Variants in ZNF385D observed in about 807,000 individuals in gnomAD.
ZNF385D encodes the protein zinc finger protein 659.
A neutral mutation model predicts 35.8 loss-of-function variants in ZNF385D; 15 were observed. The observed-to-expected ratio is 0.42, with a 90% CI of 0.28 to 0.64. The LOEUF is 0.64. ZNF385D is among the 30% of genes least tolerant of loss of function. ZNF385D has a pLI of 0.23. For synonymous variants in ZNF385D, 212 were observed against 186.8 expected, an observed-to-expected ratio of 1.13 and a Z score of -1.10; for missense variants, 474 against 494.6, an observed-to-expected ratio of 0.96 and a Z score of 0.39.
intron 2 of ZNF385D, among the ~76,000 whole-genome samples, chr3:22,226,194 T>C (rs1698547781): frequency 6.7e-6 from 1 of 149,008 alleles, no homozygotes; most frequent in Non-Finnish European, 1.5e-5. Flanking sequence ...TTTGATCCTA[T>C]ATAAAAAATA....
chr3:21,811,058 T>C (rs2072900962), intron 3 of ZNF385D, among the ~76,000 whole-genome samples: 1 of 151,178 alleles, frequency 6.6e-6, no homozygotes, highest in African/African-American at 2.4e-5. Flanking sequence ...GCAACCAGGA[T>C]TTCCACATAG....
intron 2 of ZNF385D, among the ~76,000 whole-genome samples, chr3:21,607,502 C>T (rs1328679409): frequency 6.6e-6 from 1 of 152,120 alleles, no homozygotes; most frequent in East Asian, 1.9e-4. Flanking sequence ...TCAAGTTTAT[C>T]CACAGAGAAT....
chr3:21,702,242 A>G (rs2067716371), intron 1 of ZNF385D, among the ~76,000 whole-genome samples: 1 of 152,124 alleles, frequency 6.6e-6, no homozygotes, highest in African/African-American at 2.4e-5. Context: ...TCAATTCTGG[A>G]CTTCTTTACA....
chr3:22,202,304 G>C (rs944138094), intron 2 of ZNF385D, among the ~76,000 whole-genome samples: 1 of 152,040 alleles, frequency 6.6e-6, no homozygotes. Context: ...AGAAGTGAGA[G>C]CATTTTCTAG....
chr3:21,772,413 G>C (rs1477316963), intron 3 of ZNF385D, among the ~76,000 whole-genome samples: 3 of 151,684 alleles, frequency 2.0e-5, no homozygotes, highest in African/African-American at 7.3e-5. Context: ...TTAGAAAATG[G>C]ACAAAGAACT....
intron 3 of ZNF385D, among the ~76,000 whole-genome samples, chr3:22,039,238 T>C (rs986639078): frequency 2.1e-5 from 3 of 140,246 alleles, no homozygotes; most frequent in Non-Finnish European, 4.6e-5. Context: ...CACTGTTGAT[T>C]TGGCTATAAT....
At chr3:21,776,800 G>T (rs907346297) in intron 3 of ZNF385D, among the ~76,000 whole-genome samples, 1 of 151,814 alleles carries the variant, frequency 6.6e-6, no homozygotes, top group Non-Finnish European at 1.5e-5. Context: ...TATTCTTTAC[G>T]GCTACCAGAA....
At chr3:21,857,150 T>C (rs1696763469) in intron 3 of ZNF385D, among the ~76,000 whole-genome samples, 1 of 152,122 alleles carries the variant, frequency 6.6e-6, no homozygotes, top group African/African-American at 2.4e-5. Context: ...TTGGTCTTTT[T>C]AATGTCACTC....
intron 2 of ZNF385D, among the ~76,000 whole-genome samples, chr3:21,655,075 T>A (rs900245741): frequency 6.6e-6 from 1 of 151,880 alleles, no homozygotes; most frequent in Non-Finnish European, 1.5e-5. Context: ...CTCTCAACAC[T>A]TAAAGGGCAA....
At chr3:21,862,278 G>C (rs569756677) in intron 3 of ZNF385D, among the ~76,000 whole-genome samples, 1 of 150,370 alleles carries the variant, frequency 6.7e-6, no homozygotes, top group Non-Finnish European at 1.5e-5. Context: ...AAGTACTTGA[G>C]GCAGGATATC....
At chr3:22,253,273 A>G (rs1700152817) in intron 2 of ZNF385D, among the ~76,000 whole-genome samples, 1 of 151,966 alleles carries the variant, frequency 6.6e-6, no homozygotes, top group Non-Finnish European at 1.5e-5. Context: ...GATGGGAAAA[A>G]GTTAGGACTA....
In ZNF385D at chr3:22,370,680, A is replaced by G. The variant is rs560911589; in HGVS notation, c.106+1770T>C. Among the ~76,000 whole-genome samples the G allele has an allele frequency of 2.6e-5, 4 of 152,336 alleles. No homozygotes were observed. The South Asian group carries it at 8.3e-4, about 32-fold the overall frequency. ...TGGATTACAAAACACTAACTGTGGG[A>G]CTTTTCCCAATTTAACATCTCTAAA... On this transcript the variant is annotated intron_variant, in intron 2 of 5. Transcript: ENST00000494108.
At chr3:21,818,035 G>T (rs1016273132) in intron 3 of ZNF385D, among the ~76,000 whole-genome samples, 1 of 152,150 alleles carries the variant, frequency 6.6e-6, no homozygotes, top group Non-Finnish European at 1.5e-5. Context: ...GTAGGGACAT[G>T]GATGAAGCTG....
intron 2 of ZNF385D, among the ~76,000 whole-genome samples, chr3:22,246,127 A>G (rs1049517161): frequency 1.3e-5 from 2 of 152,176 alleles, no homozygotes; most frequent in East Asian, 1.9e-4. Context: ...ATTTAAATGC[A>G]AACTTTTATT....
chr3:21,713,766 G>T (rs1427613668), intron 1 of ZNF385D, among the ~76,000 whole-genome samples: 1 of 152,112 alleles, frequency 6.6e-6, no homozygotes, highest in Non-Finnish European at 1.5e-5. Context: ...ATACCACCCA[G>T]TCCCACAGTC....
intron 2 of ZNF385D, among the ~76,000 whole-genome samples, chr3:22,237,412 T>C (rs1396355904): frequency 1.3e-5 from 2 of 152,198 alleles, no homozygotes; most frequent in Non-Finnish European, 2.9e-5. Flanking sequence ...GATACTAGAC[T>C]CTTACTACAT....
intron 3 of ZNF385D, among the ~76,000 whole-genome samples, chr3:21,778,241 C>T (rs1247414416): frequency 1.3e-5 from 2 of 151,844 alleles, no homozygotes; most frequent in African/African-American, 4.8e-5. Flanking sequence ...CTGAGACGTG[C>T]CTCTCACTGG....
In ZNF385D at chr3:21,424,318, T is replaced by TATATATATTTATATATATATATATATATA. The variant is rs375587956; in HGVS notation, c.853-255_853-254insTATATATATATATATATATAAATATATAT. Among the ~76,000 whole-genome samples the TATATATATTTATATATATATATATATATA allele has an allele frequency of 6.2e-3, 255 of 41,442 alleles. 2 individuals are homozygous for TATATATATTTATATATATATATATATATA. Among genetic ancestry groups the TATATATATTTATATATATATATATATATA allele is most frequent in the South Asian group, 0.011 (11 of 1,014 alleles). The allele number at this position is 41,442 out of a possible 152,430, so 27.2% of individuals were successfully genotyped here. On this transcript the variant is annotated intron_variant, in intron 6 of 7. Transcript: ENST00000281523. ...ATATATATTTATATATATATATATA[T>TATATATATTTATATATATATATATATATA]TTTTTTTTTTTTTTGAGATGGAGTC...
chr3:22,000,077 G>T (rs534666107), intron 3 of ZNF385D, among the ~76,000 whole-genome samples: 2 of 151,982 alleles, frequency 1.3e-5, no homozygotes, highest in African/African-American at 4.8e-5. Flanking sequence ...AGGCCGAGGC[G>T]GGCAGATCAT....
Sources: gnomAD v4.1 joint callset for allele counts (sites outside exome capture counted in the v4.1 genomes callset) on GRCh38, gnomAD v4.1.1 for gene constraint, MANE v1.5 for transcripts, NCBI Gene and HGNC (gene_info 2026-07-23, HGNC 2026-07-21) for gene names.